The following ATP2B2 variants were observed in gnomAD, a reference collection of about 807,000 sequenced individuals.
The protein encoded by ATP2B2 is plasma membrane calcium-transporting ATPase 2.
ATP2B2 carries 15 observed loss-of-function variants against 120.0 expected under a neutral mutation model. The observed-to-expected ratio is 0.12, with a 90% confidence interval of 0.08 to 0.19. The LOEUF is 0.19. ATP2B2 is among the 10% of genes least tolerant of loss of function. ATP2B2 has a pLI of 1.00. For synonymous variants in ATP2B2, 694 were observed against 700.3 expected (o/e 0.99, Z 0.14); for missense variants, 1,045 against 1,719.8 (o/e 0.61, Z 6.94).
intron 1 of ATP2B2, among the ~76,000 whole-genome samples, chr3:10,691,678 A>G (rs781241359): frequency 1.3e-5 from 2 of 152,234 alleles, no homozygotes; most frequent in East Asian, 1.9e-4. Flanking sequence ...GAGACAAGAC[A>G]TCACCCAAAC....
chr3:10,604,419 A>G (rs1212902660), intron 2 of ATP2B2, among the ~76,000 whole-genome samples: 1 of 152,194 alleles, frequency 6.6e-6, no homozygotes, highest in East Asian at 1.9e-4. Context: ...GATGAAGTCC[A>G]AACTCCCTAA....
At chr3:10,379,660 C>T (rs982687211) in intron 8 of ATP2B2, among the ~76,000 whole-genome samples, 3 of 152,024 alleles carry the variant, frequency 2.0e-5, no homozygotes, top group African/African-American at 7.3e-5. Flanking sequence ...TTTTTGTGAC[C>T]GATTTGGTGT....
chr3:10,665,356 C>T (rs1455655722), intron 1 of ATP2B2, among the ~76,000 whole-genome samples: 3 of 152,178 alleles, frequency 2.0e-5, no homozygotes, highest in African/African-American at 7.2e-5. Flanking sequence ...CATTCAGTGT[C>T]ACTTCTTGGG....
chr3:10,574,247 G>A (rs2068192801), intron 2 of ATP2B2, among the ~76,000 whole-genome samples: 1 of 152,178 alleles, frequency 6.6e-6, no homozygotes, highest in Non-Finnish European at 1.5e-5. Context: ...TCCACATAAG[G>A]GGGAAACATG....
intron 14 of ATP2B2, among the ~76,000 whole-genome samples, chr3:10,351,685 T>G (rs2060582578): frequency 6.6e-6 from 1 of 152,144 alleles, no homozygotes; most frequent in Non-Finnish European, 1.5e-5. Context: ...GTCATTATAG[T>G]GGTAAATCCA....
At chr3:10,590,520 G>C (rs1418226663) in intron 2 of ATP2B2, among the ~76,000 whole-genome samples, 1 of 152,184 alleles carries the variant, frequency 6.6e-6, no homozygotes, top group African/African-American at 2.4e-5. Context: ...TCCTCCTGTG[G>C]GTTGCCTAGG....
intron 1 of ATP2B2, among the ~76,000 whole-genome samples, chr3:10,450,628 C>G (rs2064005828): frequency 6.6e-6 from 1 of 152,232 alleles, no homozygotes; most frequent in Admixed American, 6.5e-5. Flanking sequence ...GAGCCCAGAG[C>G]TTGGTCCCAG....
intron 3 of ATP2B2, among the ~76,000 whole-genome samples, chr3:10,515,231 TA>T (rs2066853358): frequency 1.3e-5 from 2 of 152,126 alleles, no homozygotes; most frequent in African/African-American, 4.8e-5. Flanking sequence ...GGGCTAACAA[TA>T]CCTGCAATTA....
At chr3:10,497,820 C>T (rs573781462) in intron 1 of ATP2B2, among the ~76,000 whole-genome samples, 9 of 152,232 alleles carry the variant, frequency 5.9e-5, no homozygotes, top group African/African-American at 1.2e-4. Context: ...AAAAGTTTGC[C>T]GACTTCTCAC....
intron 12 of ATP2B2, among the ~76,000 whole-genome samples, chr3:10,364,099 G>A (rs1194985930): frequency 6.6e-6 from 1 of 152,184 alleles, no homozygotes; most frequent in Non-Finnish European, 1.5e-5. Flanking sequence ...GAATCTTGAG[G>A]ACATTATGCT....
intron 1 of ATP2B2, among the ~76,000 whole-genome samples, chr3:10,500,823 C>G (rs1268728143): frequency 1.3e-5 from 2 of 152,252 alleles, no homozygotes; most frequent in Admixed American, 1.3e-4. Flanking sequence ...ACAAACACAA[C>G]GGGCTGTCCC....
At chr3:10,602,354 A>G (rs1248454547) in intron 2 of ATP2B2, among the ~76,000 whole-genome samples, 1 of 152,192 alleles carries the variant, frequency 6.6e-6, no homozygotes, top group Non-Finnish European at 1.5e-5. Flanking sequence ...CGCTTTCCAC[A>G]GAGTGTGTCC....
chr3:10,328,645 G>T lies in ATP2B2; in HGVS notation c.*169C>A. 1 of 691,436 alleles carries T rather than the reference G, an allele frequency of 1.4e-6. No homozygotes were observed. The highest frequency in any genetic ancestry group is 2.4e-6 in the Non-Finnish European group (1 of 421,502). The allele number at this position is 691,436 out of a possible 1,614,324, so 42.8% of individuals were successfully genotyped here. A position where few individuals can be genotyped will look rare whatever the true frequency, so the allele number is the denominator to read the frequency against. On this transcript the variant is annotated 3_prime_UTR_variant, in exon 23 of 23. Transcript: ENST00000360273. The stretch of plus-strand genomic sequence containing the variant: ...GAAAAAGAGTTCAAACAGCATCGCA[G>T]CCAGAGAAAGGGTCTGTGGGTGGAA...
intron 1 of ATP2B2, among the ~76,000 whole-genome samples, chr3:10,627,607 T>C (rs894839018): frequency 2.0e-5 from 3 of 152,172 alleles, no homozygotes; most frequent in African/African-American, 7.2e-5. Context: ...CCTCGCTGGA[T>C]CCTTGTGCAA....
rs2059903652 is a variant in ATP2B2 at position 10,328,674 on chromosome 3, T to C, written c.*140A>G. 8.5e-6 allele frequency: 7 copies of C among 827,414 alleles called. No individual in the cohort carries two copies. The highest frequency in any genetic ancestry group is 2.7e-5 in the East Asian group (1 of 37,130). 51.3% of individuals were successfully genotyped at this position (827,414 alleles called of 1,614,324 possible). On this transcript the variant is annotated 3_prime_UTR_variant, in exon 23 of 23. Transcript: ENST00000360273. ...GAGAAAGGGTCTGTGGGTGGAAACG[T>C]TGGTTTTCTCTCCAGTATTTGGTTT...
intron 2 of ATP2B2, among the ~76,000 whole-genome samples, chr3:10,441,333 G>A (rs1575233416): frequency 2.0e-5 from 3 of 151,978 alleles, no homozygotes; most frequent in South Asian, 4.2e-4. Context: ...TCTGCCTCCC[G>A]GGTTCAAGTG....
At chr3:10,552,235 A>G (rs1169838954) in intron 2 of ATP2B2, among the ~76,000 whole-genome samples, 1 of 152,188 alleles carries the variant, frequency 6.6e-6, no homozygotes, top group Non-Finnish European at 1.5e-5. Flanking sequence ...ATGGCATCTG[A>G]CAGATTTGCC....
At chr3:10,688,739 T>C (rs1042804476) in intron 1 of ATP2B2, among the ~76,000 whole-genome samples, 2 of 152,178 alleles carry the variant, frequency 1.3e-5, no homozygotes, top group Admixed American at 1.3e-4. Flanking sequence ...ACCCTCAAAG[T>C]GCTGACTCAC....
chr3:10,524,310 G>A (rs981109042), intron 3 of ATP2B2, among the ~76,000 whole-genome samples: 2 of 152,170 alleles, frequency 1.3e-5, no homozygotes, highest in African/African-American at 2.4e-5. Flanking sequence ...AACGTATCAG[G>A]TACAATTCTA....
Sources: gnomAD v4.1 joint callset for allele counts (sites outside exome capture counted in the v4.1 genomes callset) on GRCh38, gnomAD v4.1.1 for gene constraint, MANE v1.5 for transcripts, NCBI Gene and HGNC (gene_info 2026-07-23, HGNC 2026-07-21) for gene names.